Variants in TMCO1 observed in about 807,000 individuals in gnomAD.
The protein encoded by TMCO1 is transmembrane and coiled-coil domains 1, also known as calcium load-activated calcium channel.
TMCO1 carries 29 observed loss-of-function variants against 29.3 expected under a neutral mutation model. That is an observed-to-expected ratio of 0.99 (90% CI 0.74 to 1.35). TMCO1 has a LOEUF of 1.35. Among genes scored for constraint, TMCO1 ranks in the 40% most tolerant of loss-of-function variants. The pLI is 0.00. For missense variants in TMCO1, 173 were observed against 225.5 expected, an observed-to-expected ratio of 0.77 and a Z score of 1.49; for synonymous variants, 80 against 77.1, an observed-to-expected ratio of 1.04 and a Z score of -0.20.
chr1:165,728,249 G>A, intron 6 of TMCO1, 128 bp from the exon 7 acceptor site: 1 of 660,864 alleles, frequency 1.5e-6, no homozygotes, highest in South Asian at 1.4e-5. Context: ...CCTGCAATAG[G>A]ATGATTATCA....
downstream of TMCO1, chr1:165,725,887 A>G (rs760627222): frequency 1.8e-6 from 1 of 558,364 alleles, no homozygotes; most frequent in South Asian, 1.6e-5. Flanking sequence ...ATTTAAAAAA[A>G]TTTTAATGAA....
In TMCO1 at chr1:165,759,517, C is replaced by A; in HGVS notation, c.208+8G>T. ...CCAAATTTCATTTTGACTAATATCT[C>A]ATCTTACCTATTTTCTTTTTCTGTT... On this transcript the variant is annotated splice_region_variant and intron_variant, in intron 3 of 6. Coordinates refer to ENST00000367881, the MANE Select transcript of TMCO1 (RefSeq NM_019026.6). The A allele has an allele frequency of 6.2e-7, 1 of 1,606,888 alleles. No homozygotes were observed. The highest frequency in any genetic ancestry group is 8.5e-7 in the Non-Finnish European group (1 of 1,174,780).
intron 4 of TMCO1, among the ~76,000 whole-genome samples, 173 bp from the exon 5 acceptor site, chr1:165,752,342 T>TC (rs1652030736): frequency 6.8e-6 from 1 of 147,864 alleles, no homozygotes. Context: ...GCAAGCTCCG[T>TC]CCCCCCGGGT....
Position 165,727,894 on chromosome 1 carries a change from C to T in TMCO1, c.*129G>A. 1 of 676,158 alleles carries T rather than the reference C, an allele frequency of 1.5e-6. No homozygotes were observed. The highest frequency in any genetic ancestry group is 2.6e-6 in the Non-Finnish European group (1 of 385,972). 41.9% of individuals were successfully genotyped at this position (676,158 alleles called of 1,614,324 possible). A position where few individuals can be genotyped will look rare whatever the true frequency, so the allele number is the denominator to read the frequency against. ...TTTCACTCTAATCATACCCAAAAGG[C>T]TTAGAAATAATTCAAAACTAGAAAG... On this transcript the variant is annotated 3_prime_UTR_variant, in exon 7 of 7. Coordinates refer to ENST00000367881, the MANE Select transcript of TMCO1 (RefSeq NM_019026.6).
chr1:165,748,191 T>C (rs560170812), intron 5 of TMCO1, among the ~76,000 whole-genome samples: 13 of 151,308 alleles, frequency 8.6e-5, no homozygotes, highest in East Asian at 3.9e-4. Context: ...GGGTAACATA[T>C]ATAAAAAGTT....
chr1:165,728,145 T>C (rs199592544), intron 6 of TMCO1, 24 bp from the exon 7 acceptor site: 3 of 1,584,732 alleles, frequency 1.9e-6, no homozygotes, highest in East Asian at 2.3e-5. Context: ...ACAGTAAGGA[T>C]TGGGTTTTAA....
chr1:165,753,368 A>G (rs1652068775), intron 4 of TMCO1, among the ~76,000 whole-genome samples: 1 of 151,640 alleles, frequency 6.6e-6, no homozygotes, highest in South Asian at 2.1e-4. Flanking sequence ...AGCTACTTGC[A>G]AGGCTGAGGT....
In TMCO1 at chr1:165,740,868, A is replaced by G. The variant is rs1651569306; in HGVS notation, c.468+2299T>C. On this transcript the variant is annotated intron_variant, in intron 6 of 6. Coordinates refer to ENST00000367881, the MANE Select transcript of TMCO1 (RefSeq NM_019026.6). The stretch of plus-strand genomic sequence containing the variant: ...CTTATGATGTAGCAGGAAGGCCCTC[A>G]GTAGATGCCAGCACCATGCTCTTGG... 2.0e-5 allele frequency among the ~76,000 whole-genome samples: 3 copies of G among 152,346 alleles called. No homozygotes were observed. The South Asian group carries it at 6.2e-4, about 32-fold the overall frequency.
At position 165,767,699 on chromosome 1, in the gene TMCO1, TAA is replaced by T. The variant is rs1652625311; in HGVS notation, c.148+491_148+492del. On this transcript the variant is annotated intron_variant, in intron 2 of 6. Coordinates refer to ENST00000367881, the MANE Select transcript of TMCO1 (RefSeq NM_019026.6). ...ATGAAGCCTCTTCTTCTTTTTTTTT[TAA>T]AGACAAGTCTCACTATTGCCCAGGA... Among the ~76,000 whole-genome samples, 4 of 152,198 alleles carry T rather than the reference TAA, an allele frequency of 2.6e-5. No homozygotes were observed. In the South Asian group the frequency reaches 8.3e-4, roughly 32 times the overall value.
downstream of TMCO1, chr1:165,725,053 A>G (rs1650815208): frequency 3.3e-6 from 1 of 303,048 alleles, no homozygotes; most frequent in Non-Finnish European, 6.2e-6. Flanking sequence ...TATATAAAAT[A>G]GTGTATATAC....
At chr1:165,734,599 T>C (rs73020527) in intron 6 of TMCO1, among the ~76,000 whole-genome samples, 2,014 of 152,224 alleles carry the variant, frequency 0.013, 53 homozygotes, top group African/African-American at 0.047. Flanking sequence ...CACCACCTCC[T>C]GAGTTCAAGC....
At chr1:165,744,797 A>AC (rs1478606754) in intron 5 of TMCO1, among the ~76,000 whole-genome samples, 1 of 151,668 alleles carries the variant, frequency 6.6e-6, no homozygotes, top group African/African-American at 2.4e-5. Flanking sequence ...TCTCAAAAAA[A>AC]AAAAAAAAAA....
downstream of TMCO1, chr1:165,724,558 ACAG>A: frequency 2.2e-6 from 1 of 454,134 alleles, no homozygotes; most frequent in Non-Finnish European, 4.4e-6. Flanking sequence ...CCCAGACTCC[ACAG>A]CAGACTTACA....
chr1:165,742,189 C>T (rs189759182), intron 6 of TMCO1, among the ~76,000 whole-genome samples: 23 of 152,190 alleles, frequency 1.5e-4, no homozygotes, highest in Non-Finnish European at 2.8e-4. Flanking sequence ...GCCTGCCGAA[C>T]GGCAATATGT....
chr1:165,757,085 C>T (rs1652220996), intron 3 of TMCO1, among the ~76,000 whole-genome samples: 1 of 152,044 alleles, frequency 6.6e-6, no homozygotes, highest in Non-Finnish European at 1.5e-5. Context: ...AAAATCAGTT[C>T]GAGCACAGTG....
At chr1:165,752,567 T>C (rs543892771) in intron 4 of TMCO1, among the ~76,000 whole-genome samples, 1 of 152,046 alleles carries the variant, frequency 6.6e-6, no homozygotes, top group South Asian at 2.1e-4. Context: ...ACGTCATTTT[T>C]TTTTTAAATC....
At chr1:165,768,437 A>T in intron 1 of TMCO1, 168 bp from the exon 2 acceptor site, 1 of 1,522,030 alleles carries the variant, frequency 6.6e-7, no homozygotes, top group Non-Finnish European at 8.9e-7. Context: ...AAACAACAGT[A>T]ACATGATGTG....
chr1:165,752,528 T>G (rs1272833955), intron 4 of TMCO1, among the ~76,000 whole-genome samples: 1 of 151,892 alleles, frequency 6.6e-6, no homozygotes, highest in Non-Finnish European at 1.5e-5. Context: ...GTGCTGGGAT[T>G]ACAGGCGTGA....
rs73020510 is a variant in TMCO1, at chr1:165,727,739, T to C, written c.*284A>G. ...GAGTCGGTCCCACAGAAAATACTTA[T>C]GTAAATGAAACAAGAAGGATGCTAT... is the stretch of plus-strand genomic sequence containing the variant. On this transcript the variant is annotated 3_prime_UTR_variant, in exon 7 of 7. Transcript: ENST00000367881. 5.6e-3 allele frequency: 2,592 copies of C among 459,040 alleles called. 60 individuals carry two copies. Among genetic ancestry groups the C allele is most frequent in the African/African-American group, 0.047 (2,372 of 50,328 alleles). 28.4% of individuals were successfully genotyped at this position (459,040 alleles called of 1,614,324 possible). A position where few individuals can be genotyped will look rare whatever the true frequency, so the allele number is the denominator to read the frequency against.
Sources: allele counts gnomAD v4.1 joint callset (sites outside exome capture counted in the v4.1 genomes callset), GRCh38; gene constraint gnomAD v4.1.1; transcripts MANE v1.5; gene names NCBI Gene and HGNC (gene_info 2026-07-23, HGNC 2026-07-21).